AHCYL2: variants seen among roughly 807,000 people sequenced by gnomAD.
AHCYL2 encodes the protein S-adenosylhomocysteine hydrolase-like protein 2.
AHCYL2 carries 28 observed loss-of-function variants against 81.4 expected under a neutral mutation model. The observed-to-expected ratio is 0.34, with a 90% confidence interval of 0.25 to 0.47. AHCYL2 has a LOEUF of 0.47. AHCYL2 is among the 20% of genes least tolerant of loss of function. AHCYL2 has a pLI of 1.00. For synonymous variants in AHCYL2, 272 were observed against 290.2 expected, an observed-to-expected ratio of 0.94 and a Z score of 0.64; for missense variants, 551 against 785.1, an observed-to-expected ratio of 0.70 and a Z score of 3.56.
intron 1 of AHCYL2, among the ~76,000 whole-genome samples, chr7:129,262,615 G>A (rs1795681857): frequency 6.6e-6 from 1 of 152,216 alleles, no homozygotes; most frequent in Non-Finnish European, 1.5e-5. Flanking sequence ...GTTTATATTA[G>A]CAGTGGAGCA....
At chr7:129,266,967 C>A (rs1340479906) in intron 1 of AHCYL2, among the ~76,000 whole-genome samples, 1 of 149,220 alleles carries the variant, frequency 6.7e-6, no homozygotes, top group South Asian at 2.1e-4. Flanking sequence ...TTTTTTTTTG[C>A]CCACTAAACG....
chr7:129,387,433 C>T (rs1795252873), intron 2 of AHCYL2, among the ~76,000 whole-genome samples: 1 of 152,252 alleles, frequency 6.6e-6, no homozygotes, highest in African/African-American at 2.4e-5. Context: ...AAACCAAAGA[C>T]TGACTCCAGA....
intron 13 of AHCYL2, among the ~76,000 whole-genome samples, chr7:129,424,303 G>C (rs1195330047): frequency 6.6e-6 from 1 of 152,048 alleles, no homozygotes; most frequent in African/African-American, 2.4e-5. Context: ...TGGAGGCTGA[G>C]GCAGGAGAAT....
chr7:129,381,013 A>G (rs945024054), intron 2 of AHCYL2, among the ~76,000 whole-genome samples: 4 of 152,244 alleles, frequency 2.6e-5, no homozygotes, highest in African/African-American at 9.6e-5. Context: ...CTGGGATTAC[A>G]GGCGTGAGCC....
intron 12 of AHCYL2, among the ~76,000 whole-genome samples, chr7:129,414,884 C>T (rs1796769365): frequency 1.3e-5 from 2 of 152,206 alleles, no homozygotes; most frequent in African/African-American, 4.8e-5. Flanking sequence ...TCTGATTGAG[C>T]TTCAGCATTG....
intron 1 of AHCYL2, among the ~76,000 whole-genome samples, chr7:129,303,445 A>G (rs1224612393): frequency 1.3e-5 from 2 of 152,234 alleles, no homozygotes; most frequent in African/African-American, 2.4e-5. Flanking sequence ...TTATTGGCAT[A>G]TAATTGCTCA....
chr7:129,406,555 CCCAGA>C lies in AHCYL2; in HGVS notation c.1295+90_1295+94del. ...GATGCCACACTTTATTTTAGAGGAG[CCCAGA>C]TCCTCAGAGATGCTGCCACTAACTC... is the stretch of plus-strand genomic sequence containing the variant. On this transcript the variant is annotated intron_variant, in intron 10 of 16. Transcript: ENST00000325006. The surrounding 1 kb of genome is among the most constrained non-coding windows in gnomAD (Gnocchi z 4.3). 7 of 1,265,050 alleles carry C rather than the reference CCCAGA, an allele frequency of 5.5e-6. No homozygotes were observed. The highest frequency in any genetic ancestry group is 8.1e-6 in the Non-Finnish European group (7 of 866,334). The allele number at this position is 1,265,050 out of a possible 1,614,324, so 78.4% of individuals were successfully genotyped here.
chr7:129,412,036 T>A (rs1346713541), intron 11 of AHCYL2, among the ~76,000 whole-genome samples: 1 of 152,026 alleles, frequency 6.6e-6, no homozygotes, highest in African/African-American at 2.4e-5. Context: ...AATTGCTGGA[T>A]CATATAGTAA....
rs1796312751 is a variant in AHCYL2 at position 129,406,472 on chromosome 7, C to G, written c.1295+6C>G. On this transcript the variant is annotated splice_donor_region_variant and intron_variant, in intron 10 of 16. Coordinates refer to ENST00000325006, the MANE Select transcript of AHCYL2 (RefSeq NM_015328.4). The surrounding 1 kb of genome is among the most constrained non-coding windows in gnomAD (Gnocchi z 4.3). ...ATCTGTGCCCTGCAAGCCTGGTAAG[C>G]CTCTACGCTACCATCTCACTTGCAA... 1 of 1,613,188 alleles carries G rather than the reference C, an allele frequency of 6.2e-7. No homozygotes were observed. Among genetic ancestry groups the G allele is most frequent in the African/African-American group, 1.3e-5 (1 of 74,984 alleles).
intron 1 of AHCYL2, among the ~76,000 whole-genome samples, chr7:129,316,902 A>G (rs1041375730): frequency 6.6e-6 from 1 of 152,228 alleles, no homozygotes; most frequent in Admixed American, 6.5e-5. Flanking sequence ...TATATCCTTG[A>G]GTCGGGAGTT....
At position 129,426,578 on chromosome 7, in the gene AHCYL2, C is replaced by G; in HGVS notation, c.1829+15C>G. 6.2e-7 allele frequency: 1 copy of G among 1,611,042 alleles called. No individual in the cohort carries two copies. Among genetic ancestry groups the G allele is most frequent in the Non-Finnish European group, 8.5e-7 (1 of 1,178,576 alleles). On this transcript the variant is annotated intron_variant, in intron 16 of 16. Transcript: ENST00000325006. The surrounding 1 kb of genome is among the most constrained non-coding windows in gnomAD (Gnocchi z 4.3). ...AATTACTACAGGTGCCTTGGGCTCC[C>G]CAGAAATCAGGGACACCTGGGCAGT...
rs139656320 is a variant in AHCYL2 at position 129,342,864 on chromosome 7, C to T, written c.364-36774C>T. On this transcript the variant is annotated intron_variant, in intron 1 of 16. Transcript: ENST00000325006. ...TGGCATATATGTATATAATATTACA[C>T]GTTATGTGTTACAAGTATATATTAA... Among the ~76,000 whole-genome samples, 28 of 152,252 alleles carry T rather than the reference C, an allele frequency of 1.8e-4. No individual in the cohort carries two copies. In the East Asian group the frequency reaches 3.1e-3, roughly 17 times the overall value.
At chr7:129,296,230 A>G (rs1010557262) in intron 1 of AHCYL2, among the ~76,000 whole-genome samples, 1 of 152,226 alleles carries the variant, frequency 6.6e-6, no homozygotes, top group African/African-American at 2.4e-5. Context: ...GTAAAAAATC[A>G]AGGAAATAAT....
chr7:129,400,355 G>A lies in AHCYL2; in HGVS notation c.889G>A (p.Val297Met). The A allele has an allele frequency of 1.9e-6, 3 of 1,613,272 alleles. No homozygotes were observed. Among genetic ancestry groups the A allele is most frequent in the Non-Finnish European group, 2.5e-6 (3 of 1,179,464 alleles). The change falls in exon 6 of 17, where the codon GTG becomes ATG. Residue 297 changes from valine (V) to methionine (M), a missense_variant. Val to Met is a conservative substitution (Grantham distance 21). This residue lies in a region of AHCYL2 where 316 missense variants were observed against 543.1 expected (regional missense o/e 0.58). Transcript: ENST00000325006. ...DDFWWCIDRC[V>M]NVEGWQPNMI... is the part of the protein sequence containing the mutation. Reference sequence around the variant, plus strand: ...CTTTTGGTGGTGTATCGATAGATGTGTGAATGTGGAGGGCTGGCAGCCAAA... The same window carrying A: ...CTTTTGGTGGTGTATCGATAGATGTATGAATGTGGAGGGCTGGCAGCCAAA...
chr7:129,313,027 A>G (rs765460102), intron 1 of AHCYL2, among the ~76,000 whole-genome samples: 2 of 152,180 alleles, frequency 1.3e-5, no homozygotes, highest in African/African-American at 2.4e-5. Flanking sequence ...ACTTTCTAAC[A>G]TATAATTTAA....
chr7:129,290,004 A>G (rs1160848402), intron 1 of AHCYL2, among the ~76,000 whole-genome samples: 1 of 150,970 alleles, frequency 6.6e-6, no homozygotes, highest in Non-Finnish European at 1.5e-5. Flanking sequence ...CTGGTCTCGA[A>G]CTCTTGACCT....
chr7:129,284,721 C>T (rs1258253476), intron 1 of AHCYL2, among the ~76,000 whole-genome samples: 2 of 151,732 alleles, frequency 1.3e-5, no homozygotes, highest in Non-Finnish European at 2.9e-5. Context: ...TTGTGACTTT[C>T]ACTCCTGCTT....
chr7:129,413,495 T>G lies in AHCYL2; in HGVS notation c.1367-99T>G, dbSNP rs1412452580. The stretch of plus-strand genomic sequence containing the variant: ...CTTATTGGGTTGTAAGAATTCCTTA[T>G]AACAAGTCCCTCATCAGTTATATGA... On this transcript the variant is annotated intron_variant, in intron 11 of 16. Transcript: ENST00000325006. 3.1e-6 allele frequency: 3 copies of G among 982,894 alleles called. No individual in the cohort carries two copies. The African/African-American group carries it at 4.9e-5, about 16-fold the overall frequency. The allele number at this position is 982,894 out of a possible 1,614,324, so 60.9% of individuals were successfully genotyped here.
chr7:129,304,159 A>G (rs1445188134), intron 1 of AHCYL2, among the ~76,000 whole-genome samples: 2 of 152,204 alleles, frequency 1.3e-5, no homozygotes, highest in Non-Finnish European at 2.9e-5. Flanking sequence ...TTCCATTATC[A>G]TTTGTTTCAA....
Sources: gnomAD v4.1 joint callset for allele counts (sites outside exome capture counted in the v4.1 genomes callset) on GRCh38, gnomAD v4.1.1 for gene constraint, gnomAD v4.1.1 regional missense constraint, Gnocchi (gnomAD v3.1) non-coding constraint, MANE v1.5 for transcripts, NCBI Gene and HGNC (gene_info 2026-07-23, HGNC 2026-07-21) for gene names.